The following MBNL1 variants were observed in gnomAD, a reference collection of about 807,000 sequenced individuals.
MBNL1 encodes muscleblind-like protein 1.
Under a neutral mutation model 42.2 loss-of-function variants are expected in MBNL1, and 8 were observed. The ratio of observed to expected loss-of-function variants is 0.19; its 90% CI spans 0.11 to 0.34. The LOEUF is 0.34. MBNL1 is among the 10% of genes least tolerant of loss of function. MBNL1 has a pLI of 1.00. For synonymous variants in MBNL1, 169 were observed against 173.9 expected, an observed-to-expected ratio of 0.97 and a Z score of 0.22; for missense variants, 309 against 495.3, an observed-to-expected ratio of 0.62 and a Z score of 3.57.
chr3:152,388,884 G>A (rs116169076), intron 2 of MBNL1, among the ~76,000 whole-genome samples: 28 of 152,142 alleles, frequency 1.8e-4, no homozygotes, highest in African/African-American at 6.3e-4. Flanking sequence ...ATGTTCTAAC[G>A]TAAGGGCAAA....
intron 2 of MBNL1, chr3:152,341,106 A>G (rs902038692): frequency 3.5e-6 from 2 of 569,726 alleles, no homozygotes; most frequent in African/African-American, 3.8e-5. Context: ...GTATAACTAA[A>G]TGAAATGTTT....
chr3:152,446,655 GA>G, intron 5 of MBNL1: 2 of 1,500,096 alleles, frequency 1.3e-6, no homozygotes, highest in Non-Finnish European at 9.3e-7. Flanking sequence ...TAATGCGCTT[GA>G]ACCCCACTGG....
In MBNL1 at chr3:152,378,114, A is replaced by G. The variant is rs6786755; in HGVS notation, c.175-36827A>G. Among the ~76,000 whole-genome samples, 506 of 152,276 alleles carry G rather than the reference A, an allele frequency of 3.3e-3. 2 individuals are homozygous for G. Among genetic ancestry groups the G allele is most frequent in the African/African-American group, 0.012 (487 of 41,554 alleles). ...TGCTTTGAGAAGCCAAGGCAGGAAG[A>G]TTGCTTGAGGCCAGGAGATCGAGAC... On this transcript the variant is annotated intron_variant, in intron 2 of 9. Coordinates refer to ENST00000324210, the MANE Select transcript of MBNL1 (RefSeq NM_021038.5).
At chr3:152,254,166 A>G (rs1026180836) in intron 2 of MBNL1, among the ~76,000 whole-genome samples, 4 of 152,210 alleles carry the variant, frequency 2.6e-5, no homozygotes, top group Non-Finnish European at 1.5e-5. Context: ...CTAAACTGCC[A>G]TGCAAATGTC....
chr3:152,274,769 G>A (rs1334250536), intron 1 of MBNL1, among the ~76,000 whole-genome samples: 2 of 151,546 alleles, frequency 1.3e-5, no homozygotes, highest in Admixed American at 6.6e-5. Flanking sequence ...TCCTATACTA[G>A]ATTATTGATA....
chr3:152,329,294 TTAAAA>T (rs1471368858), intron 2 of MBNL1, among the ~76,000 whole-genome samples: 1 of 152,150 alleles, frequency 6.6e-6, no homozygotes, highest in East Asian at 1.9e-4. Flanking sequence ...AAAATGCCTG[TTAAAA>T]TAAAAAGACT....
intron 1 of MBNL1, among the ~76,000 whole-genome samples, chr3:152,274,548 A>C (rs1292147717): frequency 6.6e-6 from 1 of 152,206 alleles, no homozygotes; most frequent in Non-Finnish European, 1.5e-5. Context: ...TAAAGGGAAC[A>C]GTCCTTAAAT....
intron 2 of MBNL1, among the ~76,000 whole-genome samples, chr3:152,321,377 A>C (rs757939353): frequency 2.0e-5 from 3 of 152,088 alleles, no homozygotes; most frequent in Non-Finnish European, 4.4e-5. Context: ...AGATTTTATA[A>C]AAGTCATTTG....
At position 152,394,302 on chromosome 3, in the gene MBNL1, G is replaced by A. The variant is rs530399752; in HGVS notation, c.175-20639G>A. ...AAGTCTGTCTGACTATTTATATACA[G>A]TGAGAAGAGTCTTTCACAGACTGTT... is the stretch of plus-strand genomic sequence containing the variant. On this transcript the variant is annotated intron_variant, in intron 2 of 9. Coordinates refer to ENST00000324210, the MANE Select transcript of MBNL1 (RefSeq NM_021038.5). Among the ~76,000 whole-genome samples the A allele has an allele frequency of 1.9e-4, 29 of 152,318 alleles. 1 individual carries two copies. The highest frequency in any genetic ancestry group is 6.5e-4 in the African/African-American group (27 of 41,572).
At chr3:152,322,455 A>G (rs1188364365) in intron 2 of MBNL1, among the ~76,000 whole-genome samples, 3 of 152,072 alleles carry the variant, frequency 2.0e-5, no homozygotes, top group East Asian at 1.9e-4. Flanking sequence ...TTGAAAGGCT[A>G]TGTCACGGAA....
intron 2 of MBNL1, among the ~76,000 whole-genome samples, chr3:152,245,634 A>C (rs1022901852): frequency 6.6e-6 from 1 of 152,194 alleles, no homozygotes; most frequent in Non-Finnish European, 1.5e-5. Flanking sequence ...TTTTTGATAA[A>C]TTTTGGTAAA....
intron 2 of MBNL1, among the ~76,000 whole-genome samples, chr3:152,356,881 T>TGTGTGTG (rs1560275663): frequency 9.0e-5 from 6 of 66,664 alleles, no homozygotes; most frequent in African/African-American, 3.6e-4. Context: ...GTGTGTGTGT[T>TGTGTGTG]CTTACTGTAA....
At chr3:152,346,535 A>T (rs1269277573) in intron 2 of MBNL1, among the ~76,000 whole-genome samples, 1 of 152,128 alleles carries the variant, frequency 6.6e-6, no homozygotes, top group Admixed American at 6.6e-5. Context: ...ACTAGATACA[A>T]GATAACCACA....
chr3:152,334,456 C>T (rs1349526226), intron 2 of MBNL1, among the ~76,000 whole-genome samples: 1 of 152,066 alleles, frequency 6.6e-6, no homozygotes, highest in African/African-American at 2.4e-5. Flanking sequence ...AGTCGAACGC[C>T]ACTAGAAAGA....
intron 1 of MBNL1, among the ~76,000 whole-genome samples, chr3:152,279,224 A>T (rs1463144484): frequency 1.3e-5 from 2 of 152,160 alleles, no homozygotes; most frequent in African/African-American, 4.8e-5. Context: ...TAGACAATGA[A>T]TGAATTGGGC....
intron 8 of MBNL1, 112 bp from the exon 9 acceptor site, chr3:152,459,159 C>T: frequency 1.8e-6 from 1 of 564,144 alleles, no homozygotes. Flanking sequence ...AGGACTATCA[C>T]CTCACAGCTG....
chr3:152,269,274 G>T (rs1477269183), intron 1 of MBNL1, 182 bp downstream of exon 1: 4 of 354,054 alleles, frequency 1.1e-5, no homozygotes, highest in South Asian at 2.1e-5. Context: ...GGGGGAAGGC[G>T]GGAGGGTGAG....
intron 2 of MBNL1, among the ~76,000 whole-genome samples, chr3:152,354,696 G>A (rs760652842): frequency 2.0e-5 from 3 of 151,532 alleles, no homozygotes; most frequent in Non-Finnish European, 4.4e-5. Context: ...ATAAAATAGG[G>A]CACATATTGT....
intron 3 of MBNL1, among the ~76,000 whole-genome samples, chr3:152,431,207 G>A (rs923925067): frequency 1.3e-5 from 2 of 152,120 alleles, no homozygotes; most frequent in African/African-American, 4.8e-5. Context: ...AGGACACTTA[G>A]CAGCATCCCT....
Sources: allele counts gnomAD v4.1 joint callset (sites outside exome capture counted in the v4.1 genomes callset), GRCh38; gene constraint gnomAD v4.1.1; transcripts MANE v1.5; gene names NCBI Gene and HGNC (gene_info 2026-07-23, HGNC 2026-07-21).